DNMT3B: variants seen among roughly 807,000 people sequenced by gnomAD.
DNMT3B encodes DNA methyltransferase 3 beta.
In DNMT3B, 37 loss-of-function variants were observed where a neutral mutation model predicts 120.2. The observed-to-expected ratio is 0.31, with a 90% CI of 0.24 to 0.40. The LOEUF (loss-of-function observed/expected upper bound fraction) is 0.40. Among genes scored for constraint, DNMT3B ranks in the 10% least tolerant of loss-of-function variants. The probability of loss-of-function intolerance (pLI) is 1.00; values close to 1 mark genes in which losing one functional copy is unlikely to be tolerated. For missense variants in DNMT3B, 878 were observed against 1,137.3 expected, an observed-to-expected ratio of 0.77 and a Z score of 3.28; for synonymous variants, 412 against 442.8, an observed-to-expected ratio of 0.93 and a Z score of 0.87.
At chr20:32,807,338 G>A (rs1021273993) in intron 22 of DNMT3B, among the ~76,000 whole-genome samples, 58 of 152,136 alleles carry the variant, frequency 3.8e-4, no homozygotes, top group African/African-American at 1.4e-3. Context: ...CGGCAGCTGG[G>A]TTTGAAGAGG....
intron 1 of DNMT3B, among the ~76,000 whole-genome samples, chr20:32,772,695 T>A (rs1987811761): frequency 6.6e-6 from 1 of 152,150 alleles, no homozygotes; most frequent in Admixed American, 6.5e-5. Context: ...AAGTTTAGAC[T>A]CTAAAGTTAC....
chr20:32,806,307 G>T lies in DNMT3B; in HGVS notation c.2400G>T (p.Leu800Phe), dbSNP rs1251215877. The T allele has an allele frequency of 6.2e-7, 1 of 1,614,210 alleles. No individual in the cohort carries two copies. The highest frequency in any genetic ancestry group is 8.5e-7 in the Non-Finnish European group (1 of 1,180,044). Residue 800 changes from leucine (L) to phenylalanine (F), a missense_variant, in exon 22 of 23, where the codon TTG (leucine) becomes TTT (phenylalanine). Leu to Phe is a conservative substitution (Grantham distance 22). Around this residue, in one of 4 missense-constraint regions of DNMT3B, gnomAD observed 334 missense variants for 518.8 expected, o/e 0.64. Coordinates refer to ENST00000328111, the MANE Select transcript of DNMT3B (RefSeq NM_006892.4). ...PVVMNGKEDV[L>F]WCTELERIFG... is the part of the protein sequence containing the mutation. ...TCATGAATGGCAAAGAAGATGTTTT[G>T]TGGTGCACTGAGCTCGAAAGGTGAG...
In DNMT3B at chr20:32,787,307, C is replaced by T; in HGVS notation, c.510C>T (p.Leu170=). Residue 170 remains leucine (L), a synonymous_variant, in exon 6 of 23, where the codon CTC becomes CTT. Transcript: ENST00000328111. ...SPPSSYLTID[L]TDDTEDTHGT... ...CCAGCTCTTACCTTACCATCGACCT[C>T]ACAGACGACACAGAGGACACACATG... 1 of 1,614,162 alleles carries T rather than the reference C, an allele frequency of 6.2e-7. No individual in the cohort carries two copies. Among genetic ancestry groups the T allele is most frequent in the African/African-American group, 1.3e-5 (1 of 75,070 alleles).
chr20:32,777,182 T>C (rs191607676), intron 1 of DNMT3B, among the ~76,000 whole-genome samples: 1 of 152,332 alleles, frequency 6.6e-6, no homozygotes. Context: ...GTGCCATTTA[T>C]TGTGGGTTTT....
In DNMT3B at chr20:32,792,623, C is replaced by G; in HGVS notation, c.922-3C>G. On this transcript the variant is annotated splice_region_variant and splice_polypyrimidine_tract_variant and intron_variant, in intron 8 of 22. Coordinates refer to ENST00000328111, the MANE Select transcript of DNMT3B (RefSeq NM_006892.4). ...CCATTCATCACAGACTCTGCCTTTG[C>G]AGAAAGCTAGGGTGCGAGCTGGCAA... is the stretch of plus-strand genomic sequence containing the variant. 1 of 1,614,212 alleles carries G rather than the reference C, an allele frequency of 6.2e-7. No homozygotes were observed. Among genetic ancestry groups the G allele is most frequent in the Non-Finnish European group, 8.5e-7 (1 of 1,180,018 alleles).
rs1262020125 is a variant in DNMT3B at position 32,792,646 on chromosome 20, C to A, written c.942C>A (p.Gly314=). The change falls in exon 9 of 23, where the codon GGC becomes GGA. Residue 314 remains glycine, a synonymous_variant. Coordinates refer to ENST00000328111, the MANE Select transcript of DNMT3B (RefSeq NM_006892.4). ...HALEKARVRA[G]KTFPSSPGDS... The stretch of plus-strand genomic sequence containing the variant: ...TGCAGAAAGCTAGGGTGCGAGCTGG[C>A]AAGACCTTCCCCAGCAGCCCTGGAG... 2 of 1,614,246 alleles carry A rather than the reference C, an allele frequency of 1.2e-6. No homozygotes were observed. Among genetic ancestry groups the A allele is most frequent in the African/African-American group, 2.7e-5 (2 of 75,070 alleles).
intron 1 of DNMT3B, among the ~76,000 whole-genome samples, chr20:32,764,613 A>G (rs1900823373): frequency 6.6e-6 from 1 of 152,250 alleles, no homozygotes; most frequent in Middle Eastern, 3.4e-3. Context: ...GTTTTGTTTT[A>G]TAAGGGTTGG....
intron 4 of DNMT3B, among the ~76,000 whole-genome samples, chr20:32,785,892 C>CTT (rs563541364): frequency 1.6e-5 from 2 of 128,586 alleles, no homozygotes; most frequent in African/African-American, 3.3e-5. Context: ...CTTTTTTTTT[C>CTT]TTTTTTTTTG....
Position 32,788,700 on chromosome 20 carries a change from A to G in DNMT3B, c.655-154A>G, listed in dbSNP as rs144783761. 4.0e-3 allele frequency among the ~76,000 whole-genome samples: 607 copies of G among 152,312 alleles called. 5 individuals carry two copies. Among genetic ancestry groups the G allele is most frequent in the African/African-American group, 0.013 (534 of 41,580 alleles). ...CGATCCCCCTGCCTCGGTCTCCCAA[A>G]GTACTGAGAATTACAGGCATGAACC... On this transcript the variant is annotated intron_variant, in intron 6 of 22. Transcript: ENST00000328111.
At chr20:32,798,723 A>G in intron 15 of DNMT3B, 80 bp downstream of exon 15, 4 of 1,589,216 alleles carry the variant, frequency 2.5e-6, no homozygotes, top group Non-Finnish European at 3.4e-6. Context: ...TCTCAGAAAG[A>G]GTAATAGAAG....
At chr20:32,800,784 T>A (rs780041682) in intron 17 of DNMT3B, 51 bp from the exon 18 acceptor site, 7 of 1,592,890 alleles carry the variant, frequency 4.4e-6, no homozygotes, top group Non-Finnish European at 5.2e-6. Context: ...TGGGTCCAGC[T>A]CTCTTTCCCT....
At chr20:32,764,907 C>A (rs7508830) in intron 1 of DNMT3B, among the ~76,000 whole-genome samples, 5 of 152,148 alleles carry the variant, frequency 3.3e-5, no homozygotes, top group African/African-American at 1.2e-4. Flanking sequence ...CCTCCAGCCA[C>A]GTGGGGCCTG....
In DNMT3B at chr20:32,773,934, G is replaced by GTTTTTTTTTTTTT. The variant is rs1161730284; in HGVS notation, c.-6-6370_-6-6358dup. On this transcript the variant is annotated intron_variant, in intron 1 of 22. Coordinates refer to ENST00000328111, the MANE Select transcript of DNMT3B (RefSeq NM_006892.4). ...GCATGAGCCACTGCGCCCGGCAGTG[G>GTTTTTTTTTTTTT]TTTTTTTTTTTTTTTTTTTTTTTTT... 8.1e-4 allele frequency among the ~76,000 whole-genome samples: 56 copies of GTTTTTTTTTTTTT among 69,152 alleles called. 13 individuals are homozygous for GTTTTTTTTTTTTT. The highest frequency in any genetic ancestry group is 3.6e-3 in the African/African-American group (54 of 15,076). The allele number at this position is 69,152 out of a possible 152,430, so 45.4% of individuals were successfully genotyped here. A position where few individuals can be genotyped will look rare whatever the true frequency, so the allele number is the denominator to read the frequency against.
At chr20:32,804,745 G>T (rs1375605999) in intron 20 of DNMT3B, among the ~76,000 whole-genome samples, 2 of 146,570 alleles carry the variant, frequency 1.4e-5, no homozygotes, top group African/African-American at 5.1e-5. Flanking sequence ...AGGCTGGAGT[G>T]CAGTGTTGTA....
intron 20 of DNMT3B, among the ~76,000 whole-genome samples, chr20:32,803,346 A>G (rs1002421679): frequency 6.6e-6 from 1 of 152,258 alleles, no homozygotes; most frequent in African/African-American, 2.4e-5. Flanking sequence ...AGGCATGGAA[A>G]CATAATAACC....
chr20:32,795,709 C>A lies in DNMT3B; in HGVS notation c.1297+15C>A, dbSNP rs2146005132. The A allele has an allele frequency of 6.2e-7, 1 of 1,614,048 alleles. No homozygotes were observed. The highest frequency in any genetic ancestry group is 2.2e-5 in the East Asian group (1 of 44,884). On this transcript the variant is annotated intron_variant, in intron 12 of 22. Coordinates refer to ENST00000328111, the MANE Select transcript of DNMT3B (RefSeq NM_006892.4). ...CAGCCTGGAAGGTAACGTTCTCTCC[C>A]TCCCAGTCATCCCCCTCACACCCTG... is the stretch of plus-strand genomic sequence containing the variant.
At chr20:32,764,541 T>C (rs571453889) in intron 1 of DNMT3B, among the ~76,000 whole-genome samples, 2 of 152,324 alleles carry the variant, frequency 1.3e-5, no homozygotes, top group South Asian at 4.1e-4. Flanking sequence ...TTCTCAATCA[T>C]TGTCCACGAT....
chr20:32,809,269 GTTTCAACAGTT>G lies in DNMT3B; in HGVS notation c.*1370_*1380del, dbSNP rs1168572743. On this transcript the variant is annotated 3_prime_UTR_variant, in exon 23 of 23. Transcript: ENST00000328111. ...AAATATGGGGAAAAAACTGTGCCTTGTTTCAACAGTTTTTGCTAATTTTTAGGCTGAAAGAT... is the reference window on the plus strand; with the variant it reads ...AAATATGGGGAAAAAACTGTGCCTTGTTTGCTAATTTTTAGGCTGAAAGAT... The G allele has an allele frequency of 4.6e-6, 1 of 217,902 alleles. No individual in the cohort carries two copies. The allele number at this position is 217,902 out of a possible 1,614,324, so 13.5% of individuals were successfully genotyped here.
intron 10 of DNMT3B, 52 bp from the exon 11 acceptor site, chr20:32,795,357 C>G: frequency 6.2e-7 from 1 of 1,612,824 alleles, no homozygotes; most frequent in Admixed American, 1.7e-5. Context: ...GGCCCGCATT[C>G]TCTCTGGACC....
Sources: gnomAD v4.1 joint callset for allele counts (sites outside exome capture counted in the v4.1 genomes callset) on GRCh38, gnomAD v4.1.1 for gene constraint, gnomAD v4.1.1 regional missense constraint, MANE v1.5 for transcripts, NCBI Gene and HGNC (gene_info 2026-07-23, HGNC 2026-07-21) for gene names.